The following TRIM71 variants were observed in gnomAD, a reference collection of about 807,000 sequenced individuals.
TRIM71 encodes E3 ubiquitin-protein ligase TRIM71.
TRIM71 carries 9 observed loss-of-function variants against 61.2 expected under a neutral mutation model. That is an observed-to-expected ratio of 0.15 (90% CI 0.09 to 0.26). The LOEUF is 0.26. TRIM71 is among the 10% of genes least tolerant of loss of function. The probability of loss-of-function intolerance (pLI) is 1.00; values close to 1 mark genes in which losing one functional copy is unlikely to be tolerated. For missense variants in TRIM71, 998 were observed against 1,238.7 expected, an observed-to-expected ratio of 0.81 and a Z score of 2.92; for synonymous variants, 645 against 553.2, an observed-to-expected ratio of 1.17 and a Z score of -2.33.
At chr3:32,867,445 G>A (rs908539212) in intron 1 of TRIM71, among the ~76,000 whole-genome samples, 2 of 152,062 alleles carry the variant, frequency 1.3e-5, no homozygotes, top group Admixed American at 6.6e-5. Flanking sequence ...GTGTGTATGT[G>A]TGTATATATA....
intron 1 of TRIM71, among the ~76,000 whole-genome samples, chr3:32,834,787 A>G (rs1696313810): frequency 6.6e-6 from 1 of 152,128 alleles, no homozygotes; most frequent in Non-Finnish European, 1.5e-5. Flanking sequence ...GGTTGCAGTG[A>G]GCCGAGATCG....
At chr3:32,824,731 A>C (rs1284912552) in intron 1 of TRIM71, among the ~76,000 whole-genome samples, 1 of 151,940 alleles carries the variant, frequency 6.6e-6, no homozygotes, top group East Asian at 1.9e-4. Flanking sequence ...CGACCTGCCT[A>C]CCTAGGCCTC....
intron 1 of TRIM71, among the ~76,000 whole-genome samples, chr3:32,846,673 C>A (rs1024085898): frequency 6.6e-6 from 1 of 151,232 alleles, no homozygotes; most frequent in African/African-American, 2.4e-5. Flanking sequence ...CCCAGCCCCC[C>A]GCTCCAACCC....
Position 32,824,079 on chromosome 3 carries a change from GA to G in TRIM71, c.852+5157del, listed in dbSNP as rs79250386. On this transcript the variant is annotated intron_variant, in intron 1 of 3. Transcript: ENST00000383763. Reference sequence around the variant, plus strand: ...AACAGTGAGACTTGTCTCAAAAAAAGAAAAAAAAAAGTGTTTGAAGATTAGG... The same window carrying G: ...AACAGTGAGACTTGTCTCAAAAAAAGAAAAAAAAAGTGTTTGAAGATTAGG... Among the ~76,000 whole-genome samples, 23 of 148,416 alleles carry G rather than the reference GA, an allele frequency of 1.5e-4. 1 individual carries two copies. The South Asian group carries it at 2.8e-3, about 18-fold the overall frequency.
chr3:32,871,368 A>T (rs1020447988), intron 1 of TRIM71, among the ~76,000 whole-genome samples: 8 of 152,206 alleles, frequency 5.3e-5, no homozygotes, highest in Non-Finnish European at 1.0e-4. Context: ...GAGAAGAGGG[A>T]AAGAACGGAT....
rs747042391 is a variant in TRIM71 at position 32,891,933 on chromosome 3, T to C, written c.*122T>C. 1 of 1,396,584 alleles carries C rather than the reference T, an allele frequency of 7.2e-7. No homozygotes were observed. The highest frequency in any genetic ancestry group is 9.4e-7 in the Non-Finnish European group (1 of 1,065,276). The allele number at this position is 1,396,584 out of a possible 1,614,324, so 86.5% of individuals were successfully genotyped here. ...AAACAGTCTCAGGGAAATTTCTTTT[T>C]TCTTTTTTTTTTTTAAAGAGAACAA... On this transcript the variant is annotated 3_prime_UTR_variant, in exon 4 of 4. Coordinates refer to ENST00000383763, the MANE Select transcript of TRIM71 (RefSeq NM_001039111.3). This position sits in a 1 kb window ranked among gnomAD's most constrained non-coding sequence, Gnocchi z 8.2.
intron 1 of TRIM71, among the ~76,000 whole-genome samples, chr3:32,840,135 C>T (rs1021044685): frequency 6.6e-6 from 1 of 152,164 alleles, no homozygotes; most frequent in Non-Finnish European, 1.5e-5. Flanking sequence ...ATCTCCTGCT[C>T]ATCTGAAGAT....
chr3:32,888,477 G>GC (rs1246121115), intron 3 of TRIM71, among the ~76,000 whole-genome samples: 1 of 138,564 alleles, frequency 7.2e-6, no homozygotes, highest in Non-Finnish European at 1.6e-5. Flanking sequence ...AAAAAAAGGT[G>GC]CCCTGTGGTG....
At chr3:32,863,748 C>G (rs1160854550) in intron 1 of TRIM71, among the ~76,000 whole-genome samples, 3 of 152,092 alleles carry the variant, frequency 2.0e-5, no homozygotes, top group Non-Finnish European at 4.4e-5. Flanking sequence ...GTGGTGAGAT[C>G]TTGGCTCACT....
At chr3:32,867,483 G>A (rs1696751250) in intron 1 of TRIM71, among the ~76,000 whole-genome samples, 1 of 151,972 alleles carries the variant, frequency 6.6e-6, no homozygotes, top group Non-Finnish European at 1.5e-5. Flanking sequence ...CAGGGTCTCG[G>A]GCTCTGTGGC....
chr3:32,818,717 C>G lies in TRIM71; in HGVS notation c.637C>G (p.Leu213Val), dbSNP rs545795144. The G allele has an allele frequency of 1.6e-5, 25 of 1,593,308 alleles. No homozygotes were observed. The African/African-American group carries it at 2.0e-4, about 13-fold the overall frequency. ...DEGNAASSRC[L>V]DCQEHLCDNC... is the part of the protein sequence containing the mutation. Reference sequence around the variant, plus strand: ...GGGCAACGCAGCTTCTTCGCGCTGCCTCGACTGCCAGGAGCACCTGTGCGA... The same window carrying G: ...GGGCAACGCAGCTTCTTCGCGCTGCGTCGACTGCCAGGAGCACCTGTGCGA... The change falls in exon 1 of 4, where the codon CTC (leucine) becomes GTC (valine). Residue 213 changes from leucine to valine, a missense_variant. Leu to Val is a conservative substitution (Grantham distance 32, BLOSUM62 1). This residue lies in a region of TRIM71 where 527 missense variants were observed against 427.8 expected (regional missense o/e 1.23). Coordinates refer to ENST00000383763, the MANE Select transcript of TRIM71 (RefSeq NM_001039111.3).
chr3:32,880,102 G>A (rs1162535364), intron 2 of TRIM71, among the ~76,000 whole-genome samples: 2 of 151,718 alleles, frequency 1.3e-5, no homozygotes, highest in Non-Finnish European at 1.5e-5. Flanking sequence ...AGGCTGGAAC[G>A]CAGTGACAGA....
At chr3:32,825,288 CAATG>C (rs1181055599) in intron 1 of TRIM71, among the ~76,000 whole-genome samples, 2 of 152,090 alleles carry the variant, frequency 1.3e-5, no homozygotes, top group Non-Finnish European at 2.9e-5. Flanking sequence ...TGGAAGCTGT[CAATG>C]AAGTTAAATG....
intron 1 of TRIM71, among the ~76,000 whole-genome samples, chr3:32,823,142 G>C (rs1220335590): frequency 1.3e-5 from 2 of 152,202 alleles, no homozygotes; most frequent in African/African-American, 2.4e-5. Context: ...ATCCAGTTCA[G>C]CAGGTAGACA....
intron 1 of TRIM71, among the ~76,000 whole-genome samples, chr3:32,824,034 C>T (rs1038978479): frequency 4.0e-5 from 6 of 149,836 alleles, no homozygotes; most frequent in Admixed American, 1.4e-4. Flanking sequence ...GAGATCGTGC[C>T]GCTGCACTCC....
chr3:32,834,375 A>ATTGAGATCCTACAGCTAAAG (rs1391763723), intron 1 of TRIM71, among the ~76,000 whole-genome samples: 68 of 152,280 alleles, frequency 4.5e-4, no homozygotes, highest in African/African-American at 1.6e-3. Context: ...ACTTGCCTTG[A>ATTGAGATCCTACAGCTAAAG]TTGAGATCCT....
intron 1 of TRIM71, among the ~76,000 whole-genome samples, chr3:32,857,035 C>T (rs374788903): frequency 1.3e-5 from 2 of 152,296 alleles, no homozygotes; most frequent in South Asian, 4.1e-4. Flanking sequence ...TCTGACTCCA[C>T]AACACAAGTT....
intron 3 of TRIM71, among the ~76,000 whole-genome samples, chr3:32,889,898 GTGTA>G (rs74270608): frequency 0.27 from 40,286 of 151,356 alleles, 5,765 homozygotes; most frequent in Middle Eastern, 0.37. Flanking sequence ...GTGTGTGTGT[GTGTA>G]TGTATGTATG....
intron 1 of TRIM71, among the ~76,000 whole-genome samples, chr3:32,833,506 T>C (rs1696298533): frequency 6.6e-6 from 1 of 152,034 alleles, no homozygotes; most frequent in African/African-American, 2.4e-5. Context: ...GGAGCATCTG[T>C]GGATGGCTGG....
Sources: gnomAD v4.1 joint callset for allele counts (sites outside exome capture counted in the v4.1 genomes callset) on GRCh38, gnomAD v4.1.1 for gene constraint, gnomAD v4.1.1 regional missense constraint, Gnocchi (gnomAD v3.1) non-coding constraint, MANE v1.5 for transcripts, NCBI Gene and HGNC (gene_info 2026-07-23, HGNC 2026-07-21) for gene names.